The following DNAJC5B variants were observed in gnomAD, a reference collection of about 807,000 sequenced individuals.
DNAJC5B encodes the protein DnaJ heat shock protein family (Hsp40) member C5 beta.
DNAJC5B carries 23 observed loss-of-function variants against 24.7 expected under a neutral mutation model. That is an observed-to-expected ratio of 0.93 (90% CI 0.67 to 1.32). The LOEUF (loss-of-function observed/expected upper bound fraction) is 1.32, where lower values mean the gene tolerates loss of function less well. DNAJC5B is among the 40% of genes most tolerant of loss of function. DNAJC5B has a pLI of 0.00. For missense variants in DNAJC5B, 238 were observed against 240.8 expected (o/e 0.99, Z 0.08); for synonymous variants, 101 against 90.1 (o/e 1.12, Z -0.68).
intron 3 of DNAJC5B, 69 bp from the exon 4 acceptor site, chr8:66,076,591 C>T (rs1045771043): frequency 7.3e-6 from 11 of 1,511,244 alleles, no homozygotes; most frequent in Non-Finnish European, 1.0e-5. Flanking sequence ...TGAACAGTGC[C>T]CTTCTAAAAC....
intron 3 of DNAJC5B, among the ~76,000 whole-genome samples, chr8:66,052,931 T>G (rs1290959380): frequency 6.6e-6 from 1 of 152,042 alleles, no homozygotes; most frequent in Non-Finnish European, 1.5e-5. Flanking sequence ...CTTGTTTGTT[T>G]AGAGTTAGGG....
chr8:66,096,900 A>G (rs750150689), intron 5 of DNAJC5B, among the ~76,000 whole-genome samples: 1 of 152,134 alleles, frequency 6.6e-6, no homozygotes, highest in Non-Finnish European at 1.5e-5. Flanking sequence ...GAGGCAATAG[A>G]GAAATAGTCT....
At chr8:66,023,631 G>A (rs1380076597) in intron 1 of DNAJC5B, among the ~76,000 whole-genome samples, 1 of 152,112 alleles carries the variant, frequency 6.6e-6, no homozygotes, top group African/African-American at 2.4e-5. Context: ...GAATGTGTGT[G>A]TGTATACCCT....
intron 1 of DNAJC5B, among the ~76,000 whole-genome samples, chr8:66,029,474 G>A (rs937615418): frequency 2.0e-5 from 3 of 152,180 alleles, no homozygotes; most frequent in Non-Finnish European, 4.4e-5. Context: ...AGATCAATGG[G>A]CAAGTTTGAA....
At chr8:66,053,118 TA>T (rs1391062086) in intron 3 of DNAJC5B, among the ~76,000 whole-genome samples, 2 of 151,904 alleles carry the variant, frequency 1.3e-5, no homozygotes, top group South Asian at 2.1e-4. Context: ...ATTACTTTTT[TA>T]AAAAGATGGG....
intron 1 of DNAJC5B, among the ~76,000 whole-genome samples, chr8:66,034,595 AAGCTGG>A (rs1806440900): frequency 6.6e-6 from 1 of 151,830 alleles, no homozygotes; most frequent in Non-Finnish European, 1.5e-5. Context: ...CAGAAAGGCA[AAGCTGG>A]AGTTTCAGAT....
intron 4 of DNAJC5B, among the ~76,000 whole-genome samples, 190 bp downstream of exon 4, chr8:66,077,063 A>G (rs1432591749): frequency 2.6e-5 from 4 of 152,254 alleles, no homozygotes; most frequent in African/African-American, 9.6e-5. Context: ...ATTGTAAGAT[A>G]CAACATGATT....
chr8:66,075,377 G>T (rs764681428), intron 3 of DNAJC5B, among the ~76,000 whole-genome samples: 46 of 147,070 alleles, frequency 3.1e-4, no homozygotes, highest in Middle Eastern at 3.2e-3. Flanking sequence ...TGGAACCATG[G>T]GGGGGGAAAT....
At chr8:66,022,788 A>G (rs1014423937) in intron 1 of DNAJC5B, among the ~76,000 whole-genome samples, 3 of 152,256 alleles carry the variant, frequency 2.0e-5, no homozygotes, top group Non-Finnish European at 2.9e-5. Context: ...TAAACTTCAT[A>G]GCACACATTC....
chr8:66,045,770 G>T (rs1806709111), intron 2 of DNAJC5B, among the ~76,000 whole-genome samples: 1 of 152,122 alleles, frequency 6.6e-6, no homozygotes, highest in African/African-American at 2.4e-5. Flanking sequence ...GGCACCAGAG[G>T]GCTCTGCAGG....
chr8:66,061,623 G>T (rs904287308), intron 3 of DNAJC5B, among the ~76,000 whole-genome samples: 4 of 152,070 alleles, frequency 2.6e-5, no homozygotes, highest in African/African-American at 9.7e-5. Context: ...GTGTGTGTGT[G>T]TGTGTGTGTG....
At chr8:66,070,487 C>T (rs1807322415) in intron 3 of DNAJC5B, among the ~76,000 whole-genome samples, 1 of 152,104 alleles carries the variant, frequency 6.6e-6, no homozygotes. Context: ...ACCTAGGAAT[C>T]CAACTTGAAG....
chr8:66,051,712 T>C (rs1806849430), intron 3 of DNAJC5B, 46 bp downstream of exon 3: 1 of 1,430,162 alleles, frequency 7.0e-7, no homozygotes, highest in Non-Finnish European at 9.7e-7. Context: ...AGTGAGTTAT[T>C]TTGTGACTGG....
intron 3 of DNAJC5B, among the ~76,000 whole-genome samples, chr8:66,065,761 C>G (rs1807178863): frequency 6.6e-6 from 1 of 152,100 alleles, no homozygotes; most frequent in Admixed American, 6.6e-5. Context: ...GAGGGGCCCT[C>G]ATAGCATAAG....
chr8:66,096,675 A>G (rs1807960393), intron 5 of DNAJC5B, among the ~76,000 whole-genome samples: 1 of 152,160 alleles, frequency 6.6e-6, no homozygotes, highest in African/African-American at 2.4e-5. Flanking sequence ...CCATTAAAAT[A>G]TACTTACATT....
chr8:66,047,877 T>C (rs1178938904), intron 2 of DNAJC5B, among the ~76,000 whole-genome samples: 1 of 152,192 alleles, frequency 6.6e-6, no homozygotes, highest in Non-Finnish European at 1.5e-5. Flanking sequence ...GTAGCCTTCC[T>C]GGTATTCATG....
At chr8:66,029,064 T>G (rs1000400412) in intron 1 of DNAJC5B, among the ~76,000 whole-genome samples, 2 of 152,214 alleles carry the variant, frequency 1.3e-5, no homozygotes, top group Non-Finnish European at 2.9e-5. Flanking sequence ...GCTCATGCAA[T>G]TTCTTCAGCT....
chr8:66,085,474 G>A (rs1230931305), intron 5 of DNAJC5B, among the ~76,000 whole-genome samples: 1 of 152,020 alleles, frequency 6.6e-6, no homozygotes, highest in Non-Finnish European at 1.5e-5. Flanking sequence ...CCGGGAGGCT[G>A]AGGCAGGAGA....
chr8:66,081,638 G>A (rs576945828), intron 5 of DNAJC5B, among the ~76,000 whole-genome samples: 11 of 152,050 alleles, frequency 7.2e-5, no homozygotes, highest in Non-Finnish European at 1.5e-4. Flanking sequence ...TAATATCCAG[G>A]TATTACCCAC....
Sources: allele counts gnomAD v4.1 joint callset (sites outside exome capture counted in the v4.1 genomes callset), GRCh38; gene constraint gnomAD v4.1.1; transcripts MANE v1.5; gene names NCBI Gene and HGNC (gene_info 2026-07-23, HGNC 2026-07-21).